KIAA1210: variants seen among roughly 807,000 people sequenced by gnomAD.
KIAA1210 encodes the protein KIAA1210, also known as acrosomal protein KIAA1210.
KIAA1210 carries 48 observed loss-of-function variants against 78.9 expected under a neutral mutation model. The observed-to-expected ratio is 0.61, with a 90% confidence interval of 0.48 to 0.77. The LOEUF is 0.77. Ranked by LOEUF, KIAA1210 falls within the 30% of genes least tolerant of loss-of-function variation. KIAA1210 has a pLI of 0.00. For synonymous variants in KIAA1210, 406 were observed against 404.5 expected (o/e 1.00, Z -0.04); for missense variants, 1,108 against 1,100.0 (o/e 1.01, Z -0.10).
At chrX:119,098,536 C>T (rs757394159) in intron 6 of KIAA1210, among the ~76,000 whole-genome samples, 8 of 98,152 alleles carry the variant, frequency 8.2e-5, no homozygotes, top group East Asian at 3.5e-4. Context: ...ACCTGGGAGG[C>T]GGAGGTTTCA....
chrX:119,088,862 C>G lies in KIAA1210; in HGVS notation c.1840G>C (p.Gly614Arg), dbSNP rs775516975. Residue 614 changes from glycine to arginine, a missense_variant, in exon 9 of 12, where the codon GGG (glycine) becomes CGG (arginine). Coordinates refer to ENST00000691062, the MANE Select transcript of KIAA1210 (RefSeq NM_001394962.1). ...TGAGCCAGTTCTTCAGAACCATCCC[C>G]CTCCTCAGGAATATTCTCTGAATCT... ...SSDSENIPEE[G>R]DGSEELAHGH... is the part of the protein sequence containing the mutation. 4 of 1,209,546 alleles carry G rather than the reference C, an allele frequency of 3.3e-6. No individual in the cohort carries two copies. Among genetic ancestry groups the G allele is most frequent in the Non-Finnish European group, 4.5e-6 (4 of 895,038 alleles).
chrX:119,147,784 G>A (rs772366848), intron 1 of KIAA1210, among the ~76,000 whole-genome samples: 2 of 111,971 alleles, frequency 1.8e-5, no homozygotes, highest in South Asian at 3.8e-4. Flanking sequence ...GGCCCAGAAC[G>A]CCTGGGGTGG....
At chrX:119,094,790 A>T (rs918187420) in intron 7 of KIAA1210, among the ~76,000 whole-genome samples, 5 of 111,572 alleles carry the variant, frequency 4.5e-5, no homozygotes, top group Admixed American at 3.8e-4. Context: ...GAAGAAGTGG[A>T]TGCTCTGGCC....
intron 8 of KIAA1210, among the ~76,000 whole-genome samples, chrX:119,091,489 A>C (rs1339276047): frequency 3.6e-5 from 4 of 112,312 alleles, no homozygotes; most frequent in Non-Finnish European, 7.5e-5. Context: ...GTGCCCATCA[A>C]CCTATGAGTA....
At chrX:119,086,365 T>TA (rs1443103093) in intron 9 of KIAA1210, among the ~76,000 whole-genome samples, 181 bp downstream of exon 9, 1 of 111,872 alleles carries the variant, frequency 8.9e-6, no homozygotes, top group East Asian at 2.8e-4. Context: ...CAAAATTAAC[T>TA]ACCTCCAAAT....
In KIAA1210 at chrX:119,087,586, C is replaced by A. The variant is rs765519140; in HGVS notation, c.3116G>T (p.Ser1039Ile). 2.5e-6 allele frequency: 3 copies of A among 1,209,601 alleles called. No individual in the cohort carries two copies. In the South Asian group the frequency reaches 5.3e-5, roughly 21 times the overall value. Residue 1039 changes from serine to isoleucine, a missense_variant, in exon 9 of 12, where the codon AGT becomes ATT. This residue lies in a region of KIAA1210 where 179 missense variants were observed against 174.1 expected (regional missense o/e 1.03). Coordinates refer to ENST00000691062, the MANE Select transcript of KIAA1210 (RefSeq NM_001394962.1). ...FSESSALKRG[S>I]DVAPLPPNLP... Reference sequence around the variant, plus strand: ...ATTGGGAGGCAGAGGTGCCACATCACTGCCCCTCTTAAGAGCAGAGCTCTC... The same window carrying A: ...ATTGGGAGGCAGAGGTGCCACATCAATGCCCCTCTTAAGAGCAGAGCTCTC...
rs911976840 is a variant in KIAA1210, at chrX:119,078,765, G to A, written c.*2564C>T. On this transcript the variant is annotated 3_prime_UTR_variant, in exon 12 of 12. Transcript: ENST00000691062. The stretch of plus-strand genomic sequence containing the variant: ...TCTCTTCATTTAAAAACAGAACTTT[G>A]TTGTTAACTGTGGAAAAGAAATTGT... The A allele has an allele frequency of 8.9e-6, 1 of 112,872 alleles. No homozygotes were observed. Among genetic ancestry groups the A allele is most frequent in the Non-Finnish European group, 1.9e-5 (1 of 53,351 alleles). 9.3% of individuals were successfully genotyped at this position (112,872 alleles called of 1,213,427 possible).
At chrX:119,121,576 T>TC (rs1203222566) in intron 2 of KIAA1210, among the ~76,000 whole-genome samples, 1 of 109,257 alleles carries the variant, frequency 9.2e-6, no homozygotes, top group East Asian at 2.9e-4. Context: ...AAGGCTGTTT[T>TC]TTCTCCAGGG....
intron 7 of KIAA1210, chrX:119,094,171 G>A (rs1164652364): frequency 1.5e-5 from 9 of 601,649 alleles, no homozygotes; most frequent in Non-Finnish European, 2.5e-5. Context: ...TGCTTCACCA[G>A]ACCTGTGAGT....
intron 2 of KIAA1210, among the ~76,000 whole-genome samples, chrX:119,142,325 C>T (rs767901370): frequency 3.5e-4 from 39 of 112,184 alleles, no homozygotes; most frequent in Non-Finnish European, 6.9e-4. Flanking sequence ...TGAATTGCTA[C>T]AAGGGAATTG....
intron 2 of KIAA1210, among the ~76,000 whole-genome samples, chrX:119,136,249 A>T (rs1928911844): frequency 8.9e-6 from 1 of 111,941 alleles, no homozygotes; most frequent in Admixed American, 9.5e-5. Context: ...AAGAACAACC[A>T]GTCCTCTGCA....
intron 2 of KIAA1210, among the ~76,000 whole-genome samples, chrX:119,137,613 C>T (rs1330002087): frequency 8.9e-6 from 1 of 112,822 alleles, no homozygotes; most frequent in African/African-American, 3.2e-5. Flanking sequence ...GTGCCGCATG[C>T]GGCCCAGGAT....
chrX:119,118,369 T>C (rs1390153413), intron 2 of KIAA1210, among the ~76,000 whole-genome samples: 3 of 111,980 alleles, frequency 2.7e-5, no homozygotes, highest in African/African-American at 9.7e-5. Context: ...TAAGATTTGT[T>C]GTATGAGAAA....
intron 2 of KIAA1210, among the ~76,000 whole-genome samples, chrX:119,136,377 G>A (rs1569323891): frequency 8.9e-6 from 1 of 112,587 alleles, no homozygotes; most frequent in Non-Finnish European, 1.9e-5. Context: ...AGCAATCTCA[G>A]CATCACCCCA....
intron 10 of KIAA1210, among the ~76,000 whole-genome samples, 185 bp from the exon 11 acceptor site, chrX:119,083,305 TA>T (rs1038853967): frequency 1.4e-4 from 16 of 112,307 alleles, no homozygotes; most frequent in African/African-American, 4.2e-4. Context: ...CCTTTTGGCT[TA>T]AAATTTAGGT....
chrX:119,099,493 G>T (rs1927667612), intron 6 of KIAA1210, among the ~76,000 whole-genome samples: 1 of 112,369 alleles, frequency 8.9e-6, no homozygotes. Flanking sequence ...AGAGCAAAAC[G>T]ATCAAGCATT....
chrX:119,088,894 A>T lies in KIAA1210; in HGVS notation c.1808T>A (p.Val603Asp). The T allele has an allele frequency of 8.3e-7, 1 of 1,210,588 alleles. No homozygotes were observed. The highest frequency in any genetic ancestry group is 1.8e-5 in the South Asian group (1 of 56,695). Residue 603 changes from valine to aspartate, a missense_variant, in exon 9 of 12, where the codon GTC becomes GAC. This residue lies in a region of KIAA1210 where 672 missense variants were observed against 607.1 expected (regional missense o/e 1.11). Coordinates refer to ENST00000691062, the MANE Select transcript of KIAA1210 (RefSeq NM_001394962.1). The stretch of plus-strand genomic sequence containing the variant: ...AGGAATATTCTCTGAATCTGAGGAG[A>T]CTTCTTCAGCATCAGGCTTCCTTGA... ...QSSRKPDAEEVSSDSENIPEE... is the reference protein window; with the variant it reads ...QSSRKPDAEEDSSDSENIPEE...
At chrX:119,133,898 A>G (rs1478184713) in intron 2 of KIAA1210, among the ~76,000 whole-genome samples, 1 of 110,726 alleles carries the variant, frequency 9.0e-6, no homozygotes, top group Non-Finnish European at 1.9e-5. Flanking sequence ...GGTACATGTC[A>G]TACTTTGTTA....
Position 119,109,178 on chromosome X carries a change from T to G in KIAA1210, c.255A>C (p.Lys85Asn). ...TGAAGATGCTATCATGGGATAGGGC[T>G]TTGCTCCCCATGCTGCTCTTGGCCC... ...KARAKSSMGS[K>N]ALSHDSIFML... is the part of the protein sequence containing the mutation. The change falls in exon 4 of 12, where the codon AAA (lysine) becomes AAC (asparagine). Residue 85 changes from lysine to asparagine, a missense_variant. Lys to Asn is a moderately conservative substitution (Grantham distance 94, BLOSUM62 0). Coordinates refer to ENST00000691062, the MANE Select transcript of KIAA1210 (RefSeq NM_001394962.1). 1 of 1,204,652 alleles carries G rather than the reference T, an allele frequency of 8.3e-7. No homozygotes were observed. Among genetic ancestry groups the G allele is most frequent in the Non-Finnish European group, 1.1e-6 (1 of 891,621 alleles).
Sources: gnomAD v4.1 joint callset for allele counts (sites outside exome capture counted in the v4.1 genomes callset) on GRCh38, gnomAD v4.1.1 for gene constraint, gnomAD v4.1.1 regional missense constraint, MANE v1.5 for transcripts, NCBI Gene and HGNC (gene_info 2026-07-23, HGNC 2026-07-21) for gene names.